BNC2: variants seen among roughly 807,000 people sequenced by gnomAD.
BNC2 encodes zinc finger protein basonuclin-2.
A neutral mutation model predicts 76.3 loss-of-function variants in BNC2; 20 were observed. The ratio of observed to expected loss-of-function variants is 0.26; its 90% CI spans 0.18 to 0.38. BNC2 has a LOEUF of 0.38. Among genes scored for constraint, BNC2 ranks in the 10% least tolerant of loss-of-function variants. BNC2 has a pLI of 1.00. For missense variants in BNC2, 1,382 were observed against 1,399.8 expected (o/e 0.99, Z 0.20); for synonymous variants, 582 against 514.8 (o/e 1.13, Z -1.77).
In BNC2 at chr9:16,755,617, C is replaced by T. The variant is rs548967144; in HGVS notation, c.4-17132G>A. ...CCCAGGGTTCAGTACTACCTGTTGA[C>T]GGCTAGTAAATGTCTATATTTAGCC... On this transcript the variant is annotated intron_variant, in intron 1 of 6. Transcript: ENST00000380672. Among the ~76,000 whole-genome samples the T allele has an allele frequency of 3.3e-5, 5 of 152,180 alleles. No individual in the cohort carries two copies. The South Asian group carries it at 6.2e-4, about 19-fold the overall frequency.
At chr9:16,793,838 G>GTTT in intron 1 of BNC2, among the ~76,000 whole-genome samples, 1 of 132,940 alleles carries the variant, frequency 7.5e-6, no homozygotes, top group African/African-American at 2.7e-5. Flanking sequence ...TGCCCAGCTA[G>GTTT]TTTTTGTTTT....
intron 5 of BNC2, among the ~76,000 whole-genome samples, chr9:16,443,978 G>C (rs566595873): frequency 6.6e-6 from 1 of 152,288 alleles, no homozygotes; most frequent in African/African-American, 2.4e-5. Flanking sequence ...ATACTTCAAT[G>C]AAGTTAATTC....
chr9:16,506,820 G>T lies in BNC2; in HGVS notation c.669+45710C>A, dbSNP rs548650134. Among the ~76,000 whole-genome samples the T allele has an allele frequency of 1.0e-4, 15 of 148,718 alleles. No homozygotes were observed. In the South Asian group the frequency reaches 3.2e-3, roughly 32 times the overall value. ...AGGCTGGAGTGCAGTGGTGCAATCT[G>T]GGCTCACTGCCTCCTCTGCCTCCTG... is the stretch of plus-strand genomic sequence containing the variant. On this transcript the variant is annotated intron_variant, in intron 5 of 6. Transcript: ENST00000380672.
intron 3 of BNC2, among the ~76,000 whole-genome samples, chr9:16,597,486 A>T (rs1284882809): frequency 6.6e-6 from 1 of 152,150 alleles, no homozygotes; most frequent in Non-Finnish European, 1.5e-5. Context: ...ACTGGTAATT[A>T]CAGTAGACTC....
chr9:16,774,014 C>T (rs1825897967), intron 1 of BNC2, among the ~76,000 whole-genome samples: 1 of 152,116 alleles, frequency 6.6e-6, no homozygotes, highest in African/African-American at 2.4e-5. Context: ...CACAGTCTCA[C>T]TCTATTGCCC....
intron 3 of BNC2, among the ~76,000 whole-genome samples, chr9:16,607,504 C>G (rs910166670): frequency 1.1e-4 from 17 of 152,170 alleles, no homozygotes; most frequent in African/African-American, 4.1e-4. Context: ...ATAACGGCTA[C>G]ACTTTAGGGT....
chr9:16,426,089 T>C (rs1346335589), intron 6 of BNC2, among the ~76,000 whole-genome samples: 7 of 152,226 alleles, frequency 4.6e-5, no homozygotes, highest in Admixed American at 3.9e-4. Context: ...GCAGCTCATA[T>C]GGTGCTCAGT....
intron 1 of BNC2, among the ~76,000 whole-genome samples, chr9:16,845,896 T>C (rs1274357389): frequency 6.6e-6 from 1 of 152,064 alleles, no homozygotes; most frequent in Non-Finnish European, 1.5e-5. Flanking sequence ...ACGCCTGTAA[T>C]CCCAGCACTT....
chr9:16,794,353 T>C (rs1817590634), intron 1 of BNC2, among the ~76,000 whole-genome samples: 1 of 152,148 alleles, frequency 6.6e-6, no homozygotes, highest in Non-Finnish European at 1.5e-5. Flanking sequence ...ATGACTGAGC[T>C]TTTTTCACAT....
In BNC2 at chr9:16,732,162, A is replaced by AAAAAAAG. The variant is rs59888253; in HGVS notation, c.130-4166_130-4165insCTTTTTT. On this transcript the variant is annotated intron_variant, in intron 2 of 6. Coordinates refer to ENST00000380672, the MANE Select transcript of BNC2 (RefSeq NM_017637.6). ...GTTTTTCCCTCCATTTCCTGCAAAA[A>AAAAAAAG]AAAAAGAAAAAGAAACAAAAAAGAA... is the stretch of plus-strand genomic sequence containing the variant. Among the ~76,000 whole-genome samples the AAAAAAAG allele has an allele frequency of 1.5e-4, 19 of 123,588 alleles. 1 individual carries two copies. Among genetic ancestry groups the AAAAAAAG allele is most frequent in the African/African-American group, 4.1e-4 (14 of 33,922 alleles). 81.1% of individuals were successfully genotyped at this position (123,588 alleles called of 152,430 possible). A position where few individuals can be genotyped will look rare whatever the true frequency, so the allele number is the denominator to read the frequency against.
intron 3 of BNC2, among the ~76,000 whole-genome samples, chr9:16,669,890 G>T (rs186145713): frequency 4.9e-4 from 75 of 152,290 alleles, no homozygotes; most frequent in African/African-American, 1.7e-3. Context: ...AAACTTTGAT[G>T]TGGTTTCATC....
chr9:16,482,146 T>C (rs954837812), intron 5 of BNC2, among the ~76,000 whole-genome samples: 12 of 152,188 alleles, frequency 7.9e-5, no homozygotes, highest in African/African-American at 2.9e-4. Context: ...ATAACTAATG[T>C]TCACTGATAC....
At chr9:16,575,806 C>T (rs1819467919) in intron 4 of BNC2, among the ~76,000 whole-genome samples, 1 of 152,188 alleles carries the variant, frequency 6.6e-6, no homozygotes, top group African/African-American at 2.4e-5. Flanking sequence ...AGACCAGAAT[C>T]CAGCTGCCTC....
At chr9:16,762,227 G>A (rs1323633697) in intron 1 of BNC2, among the ~76,000 whole-genome samples, 1 of 152,100 alleles carries the variant, frequency 6.6e-6, no homozygotes, top group African/African-American at 2.4e-5. Context: ...TCACCTTCTG[G>A]AATTTTTTAT....
intron 5 of BNC2, among the ~76,000 whole-genome samples, chr9:16,524,762 A>G (rs889334236): frequency 6.6e-6 from 1 of 152,196 alleles, no homozygotes; most frequent in African/African-American, 2.4e-5. Flanking sequence ...ATCCTGGCTG[A>G]AAAATTTTAT....
chr9:16,647,618 T>A (rs554125443), intron 3 of BNC2, among the ~76,000 whole-genome samples: 1 of 152,224 alleles, frequency 6.6e-6, no homozygotes, highest in South Asian at 2.1e-4. Context: ...AGTGCAACCA[T>A]GATGAGATTT....
intron 1 of BNC2, among the ~76,000 whole-genome samples, chr9:16,844,507 T>C (rs1333877064): frequency 4.8e-5 from 7 of 147,026 alleles, no homozygotes; most frequent in Non-Finnish European, 9.0e-5. Flanking sequence ...TTTTTTTTTT[T>C]TTTTTTTTGA....
chr9:16,420,282 T>C (rs1820683477), intron 6 of BNC2, among the ~76,000 whole-genome samples: 1 of 152,180 alleles, frequency 6.6e-6, no homozygotes, highest in Admixed American at 6.5e-5. Context: ...GGTTACAGAC[T>C]GTCTTTTAAC....
chr9:16,438,621 G>A (rs1821066477), intron 5 of BNC2, among the ~76,000 whole-genome samples: 1 of 152,000 alleles, frequency 6.6e-6, no homozygotes, highest in African/African-American at 2.4e-5. Flanking sequence ...TCTTCCCATT[G>A]GGACAGCACA....
Sources: allele counts gnomAD v4.1 joint callset (sites outside exome capture counted in the v4.1 genomes callset), GRCh38; gene constraint gnomAD v4.1.1; transcripts MANE v1.5; gene names NCBI Gene and HGNC (gene_info 2026-07-23, HGNC 2026-07-21).